CCDC7: variants seen among roughly 807,000 people sequenced by gnomAD.
CCDC7 encodes the protein coiled-coil domain-containing protein 7.
CCDC7 carries 183 observed loss-of-function variants against 196.9 expected under a neutral mutation model. That is an observed-to-expected ratio of 0.93 (90% CI 0.82 to 1.05). The LOEUF is 1.05. CCDC7 is among the 50% of genes least tolerant of loss of function. CCDC7 has a pLI of 0.00. For synonymous variants in CCDC7, 525 were observed against 484.6 expected (o/e 1.08, Z -1.10); for missense variants, 1,540 against 1,482.2 (o/e 1.04, Z -0.64).
At chr10:32,877,886 T>C (rs2137000474), downstream of CCDC7, among the ~76,000 whole-genome samples, 1 of 152,168 alleles carries the variant, frequency 6.6e-6, no homozygotes, top group South Asian at 2.1e-4. Context: ...TGGAGCTTAT[T>C]GTTTGAAGAG....
chr10:32,719,064 C>G (rs1023351401), intron 25 of CCDC7, among the ~76,000 whole-genome samples: 1 of 152,154 alleles, frequency 6.6e-6, no homozygotes, highest in African/African-American at 2.4e-5. Flanking sequence ...CCCGTATAGT[C>G]AAGACAATCC....
intron 8 of CCDC7, among the ~76,000 whole-genome samples, chr10:32,475,822 A>T (rs1359534371): frequency 6.6e-6 from 1 of 152,108 alleles, no homozygotes; most frequent in Non-Finnish European, 1.5e-5. Context: ...GACAAAAGCT[A>T]CCTTTGTATT....
chr10:32,815,482 C>T (rs1361097741), intron 31 of CCDC7, among the ~76,000 whole-genome samples: 2 of 151,912 alleles, frequency 1.3e-5, no homozygotes, highest in Non-Finnish European at 1.5e-5. Context: ...ATTACAGGGT[C>T]AAGAAAAGAT....
In CCDC7 at chr10:32,688,991, A is replaced by G. The variant is rs527731906; in HGVS notation, c.2234-62A>G. 4 of 1,086,092 alleles carry G rather than the reference A, an allele frequency of 3.7e-6. No homozygotes were observed. In the African/African-American group the frequency reaches 6.3e-5, roughly 17 times the overall value. The allele number at this position is 1,086,092 out of a possible 1,614,324, so 67.3% of individuals were successfully genotyped here. On this transcript the variant is annotated intron_variant, in intron 22 of 41. Transcript: ENST00000639629. Reference sequence around the variant, plus strand: ...GCCACTGCACATTCGTAAATTTGAAATCTACAGATTTCAAATGGATTTATT... The same window carrying G: ...GCCACTGCACATTCGTAAATTTGAAGTCTACAGATTTCAAATGGATTTATT...
At chr10:32,472,677 C>CCAAGAG in intron 7 of CCDC7, 135 bp downstream of exon 8, 1 of 752,608 alleles carries the variant, frequency 1.3e-6, no homozygotes, top group Non-Finnish European at 1.9e-6. Flanking sequence ...TCACTGCAGC[C>CCAAGAG]TCAAACTCTT....
At chr10:32,800,839 T>A (rs2084642089) in intron 29 of CCDC7, among the ~76,000 whole-genome samples, 1 of 152,174 alleles carries the variant, frequency 6.6e-6, no homozygotes, top group African/African-American at 2.4e-5. Context: ...CAGTCTTTTG[T>A]CCACTTGACA....
intron 13 of CCDC7, among the ~76,000 whole-genome samples, chr10:32,545,143 C>T (rs1473853800): frequency 6.6e-6 from 1 of 152,116 alleles, no homozygotes; most frequent in South Asian, 2.1e-4. Flanking sequence ...CTTCCATCTC[C>T]TTATGGGCAT....
At chr10:32,564,666 G>A (rs150890230) in intron 13 of CCDC7, among the ~76,000 whole-genome samples, 5,366 of 152,032 alleles carry the variant, frequency 0.035, 111 homozygotes, top group Non-Finnish European at 0.05. Flanking sequence ...TGGGGGGACG[G>A]GGGAGGGATA....
exon 28 of CCDC7, chr10:32,729,426 G>C (rs1213136078): frequency 1.5e-6 from 2 of 1,357,042 alleles, no homozygotes; most frequent in Non-Finnish European, 2.1e-6. Context: ...CTCAAACGAA[G>C]AAACTTCAAG....
Position 32,775,662 on chromosome 10 carries a change from G to A in CCDC7, c.2906-3315G>A, listed in dbSNP as rs118171727. ...TTCGAAGGAAATATACCAGTGATTG[G>A]CCCTTAAATTGCACCCATATATTAG... On this transcript the variant is annotated intron_variant, in intron 28 of 41. Transcript: ENST00000639629. Among the ~76,000 whole-genome samples the A allele has an allele frequency of 2.2e-3, 332 of 152,178 alleles. 10 individuals carry two copies. In the East Asian group the frequency reaches 0.052, roughly 24 times the overall value.
chr10:32,842,948 G>C (rs146384904), intron 33 of CCDC7, among the ~76,000 whole-genome samples: 262 of 151,026 alleles, frequency 1.7e-3, no homozygotes, highest in Middle Eastern at 0.014. Flanking sequence ...GGAAAGAGTA[G>C]GGGGGGCAAG....
At position 32,865,824 on chromosome 10, in the gene CCDC7, A is replaced by G. The variant is rs55878914; in HGVS notation, c.4112-10523A>G. 5.8e-3 allele frequency among the ~76,000 whole-genome samples: 874 copies of G among 151,924 alleles called. 14 individuals carry two copies. The highest frequency in any genetic ancestry group is 0.02 in the African/African-American group (832 of 41,508). ...GATCCTTTTTGTGCATTTTAAGTTC[A>G]AGCAAACAAGCAAACACATTAAGGG... On this transcript the variant is annotated intron_variant, in intron 41 of 41. Transcript: ENST00000639629.
intron 18 of CCDC7, among the ~76,000 whole-genome samples, chr10:32,594,984 C>T (rs1179129988): frequency 6.6e-6 from 1 of 152,156 alleles, no homozygotes; most frequent in Admixed American, 6.5e-5. Context: ...CATCAACGTT[C>T]ATCAGGGATA....
chr10:32,741,012 T>G (rs1305870313), intron 28 of CCDC7, among the ~76,000 whole-genome samples: 1 of 152,056 alleles, frequency 6.6e-6, no homozygotes, highest in Non-Finnish European at 1.5e-5. Flanking sequence ...TAATGAAAAA[T>G]ATTCTCCTAA....
downstream of CCDC7, among the ~76,000 whole-genome samples, chr10:32,879,601 G>C (rs983569039): frequency 6.6e-6 from 1 of 151,980 alleles, no homozygotes; most frequent in Non-Finnish European, 1.5e-5. Context: ...GGCTCAGCAA[G>C]GACTGCTGTA....
chr10:32,572,987 C>T (rs773853366), intron 16 of CCDC7, among the ~76,000 whole-genome samples: 4 of 150,030 alleles, frequency 2.7e-5, no homozygotes, highest in African/African-American at 4.9e-5. Context: ...AAGTGATTCT[C>T]CTGCCTCAGC....
intron 39 of CCDC7, among the ~76,000 whole-genome samples, chr10:32,849,972 T>C (rs1442812664): frequency 6.6e-6 from 1 of 152,112 alleles, no homozygotes; most frequent in Non-Finnish European, 1.5e-5. Context: ...CATCTACTGC[T>C]AGTTTCTAAG....
At chr10:32,593,188 C>G (rs2059959254) in intron 18 of CCDC7, among the ~76,000 whole-genome samples, 1 of 152,212 alleles carries the variant, frequency 6.6e-6, no homozygotes, top group Non-Finnish European at 1.5e-5. Context: ...ATTCCTATTT[C>G]TCCACATCCT....
At position 32,847,968 on chromosome 10, in the gene CCDC7, TTAAG is replaced by T. The variant is rs376824409; in HGVS notation, c.3772+55_3772+58del. ...ATTTACAGTTTATCTTCTCTGGGGTTTAAGTATGAATCTTTAATGATAACAGTAC... is the reference window on the plus strand; with the variant it reads ...ATTTACAGTTTATCTTCTCTGGGGTTTATGAATCTTTAATGATAACAGTAC... On this transcript the variant is annotated intron_variant, in intron 38 of 41. Coordinates refer to ENST00000639629, the Ensembl canonical transcript of CCDC7. 1.5e-5 allele frequency: 18 copies of T among 1,162,242 alleles called. No individual in the cohort carries two copies. In the African/African-American group the frequency reaches 2.5e-4, roughly 16 times the overall value. The allele number at this position is 1,162,242 out of a possible 1,614,324, so 72.0% of individuals were successfully genotyped here. A position where few individuals can be genotyped will look rare whatever the true frequency, so the allele number is the denominator to read the frequency against.
Sources: gnomAD v4.1 joint callset for allele counts (sites outside exome capture counted in the v4.1 genomes callset) on GRCh38, gnomAD v4.1.1 for gene constraint, MANE v1.5 for transcripts, NCBI Gene and HGNC (gene_info 2026-07-23, HGNC 2026-07-21) for gene names.